XIRP2: variants seen among roughly 807,000 people sequenced by gnomAD.
XIRP2 encodes the protein xin actin binding repeat containing 2, also known as xin actin-binding repeat-containing protein 2.
A neutral mutation model predicts 277.0 loss-of-function variants in XIRP2; 236 were observed. That is an observed-to-expected ratio of 0.85 (90% CI 0.77 to 0.95). The LOEUF (loss-of-function observed/expected upper bound fraction) is 0.95. Ranked by LOEUF, XIRP2 falls within the 40% of genes least tolerant of loss-of-function variation. The probability of loss-of-function intolerance (pLI) is 0.00; values close to 1 mark genes in which losing one functional copy is unlikely to be tolerated. For missense variants in XIRP2, 4,640 were observed against 4,157.5 expected (o/e 1.12, Z -3.19); for synonymous variants, 1,490 against 1,416.5 (o/e 1.05, Z -1.17).
chr2:167,221,148 G>A (rs773494558), intron 5 of XIRP2, among the ~76,000 whole-genome samples: 1 of 152,140 alleles, frequency 6.6e-6, no homozygotes, highest in Non-Finnish European at 1.5e-5. Flanking sequence ...AATGAAGACC[G>A]TATGCAGAAG....
chr2:167,004,326 G>A (rs1433696844), intron 2 of XIRP2, among the ~76,000 whole-genome samples: 1 of 151,746 alleles, frequency 6.6e-6, no homozygotes, highest in African/African-American at 2.4e-5. Context: ...ACTTTCCCAA[G>A]GTTCATCACA....
At chr2:167,226,267 C>G (rs1391966607) in intron 5 of XIRP2, among the ~76,000 whole-genome samples, 3 of 152,104 alleles carry the variant, frequency 2.0e-5, no homozygotes, top group Admixed American at 6.6e-5. Context: ...ATTTTATTAC[C>G]ACTTTTCAAA....
chr2:166,892,860 A>ATATATATGTATGTGTG (rs1684139475), intron 1 of XIRP2, among the ~76,000 whole-genome samples: 3 of 148,666 alleles, frequency 2.0e-5, no homozygotes, highest in African/African-American at 7.4e-5. Flanking sequence ...TATGTTTTAT[A>ATATATATGTATGTGTG]TATATATGTA....
chr2:166,937,975 A>G (rs1047187006), intron 2 of XIRP2, among the ~76,000 whole-genome samples: 1 of 151,630 alleles, frequency 6.6e-6, no homozygotes, highest in Non-Finnish European at 1.5e-5. Flanking sequence ...GTCTATTTGA[A>G]TCTTCTCTCT....
intron 4 of XIRP2, among the ~76,000 whole-genome samples, chr2:167,214,169 AAAG>A: frequency 9.6e-6 from 1 of 104,044 alleles, no homozygotes; most frequent in Non-Finnish European, 1.8e-5. Flanking sequence ...AAAGAAAGAG[AAAG>A]AAGGAAGGAA....
At chr2:167,090,878 C>T (rs1690122412) in intron 2 of XIRP2, among the ~76,000 whole-genome samples, 1 of 152,078 alleles carries the variant, frequency 6.6e-6, no homozygotes, top group Admixed American at 6.5e-5. Context: ...CAAACACCAT[C>T]CACTAGGCCC....
chr2:166,903,251 C>T (rs977322010), intron 1 of XIRP2, among the ~76,000 whole-genome samples: 8 of 152,072 alleles, frequency 5.3e-5, no homozygotes, highest in Non-Finnish European at 8.8e-5. Context: ...GCTATACAAA[C>T]CACACCTCTC....
chr2:167,172,541 C>T (rs905598116), intron 3 of XIRP2, among the ~76,000 whole-genome samples: 1 of 152,130 alleles, frequency 6.6e-6, no homozygotes, highest in Admixed American at 6.5e-5. Flanking sequence ...AGACAGACGT[C>T]CCCAGAACGG....
At chr2:167,124,952 G>A (rs1414848448) in intron 2 of XIRP2, among the ~76,000 whole-genome samples, 5 of 152,158 alleles carry the variant, frequency 3.3e-5, no homozygotes, top group Middle Eastern at 3.4e-3. Flanking sequence ...CCAGTCTAAA[G>A]GTAAAAGGTT....
chr2:167,259,051 T>C lies in XIRP2; in HGVS notation c.*1234T>C. The C allele has an allele frequency of 1.9e-6, 3 of 1,610,628 alleles. No individual in the cohort carries two copies. Among genetic ancestry groups the C allele is most frequent in the Non-Finnish European group, 1.7e-6 (2 of 1,177,750 alleles). On this transcript the variant is annotated 3_prime_UTR_variant, in exon 11 of 11. Transcript: ENST00000409195. ...ATTCAAAGAGCAAAAATTTACACTT[T>C]TTCTTTTCTAACACCGTGAAAATCA...
chr2:167,089,307 C>A (rs1690073201), intron 2 of XIRP2, among the ~76,000 whole-genome samples: 1 of 152,068 alleles, frequency 6.6e-6, no homozygotes, highest in African/African-American at 2.4e-5. Context: ...GGCTACTCTA[C>A]CTAATTTCAA....
chr2:167,185,746 T>A (rs968663110), intron 3 of XIRP2, among the ~76,000 whole-genome samples: 1 of 152,170 alleles, frequency 6.6e-6, no homozygotes, highest in Admixed American at 6.6e-5. Context: ...CTTTTGCATA[T>A]AGCAAACTAA....
chr2:167,007,884 G>A (rs1687550163), intron 2 of XIRP2, among the ~76,000 whole-genome samples: 1 of 151,506 alleles, frequency 6.6e-6, no homozygotes, highest in South Asian at 2.1e-4. Flanking sequence ...AGTCTGGTGG[G>A]CACTTAAAAT....
chr2:166,975,292 A>G (rs1460279571), intron 2 of XIRP2, among the ~76,000 whole-genome samples: 1 of 152,224 alleles, frequency 6.6e-6, no homozygotes, highest in Non-Finnish European at 1.5e-5. Context: ...CTGCTGAACA[A>G]CATAACCTAA....
intron 2 of XIRP2, among the ~76,000 whole-genome samples, chr2:167,126,203 TCTCA>T (rs1691200190): frequency 2.6e-5 from 4 of 151,454 alleles, no homozygotes; most frequent in South Asian, 2.1e-4. Context: ...TCTCTCACAC[TCTCA>T]CTCTCTCTTT....
chr2:166,890,055 G>T (rs1684063769), intron 1 of XIRP2, among the ~76,000 whole-genome samples: 1 of 151,906 alleles, frequency 6.6e-6, no homozygotes, highest in African/African-American at 2.4e-5. Context: ...GAGCATAGTG[G>T]TGTGATCTCG....
chr2:167,252,199 A>G (rs1695532339), intron 9 of XIRP2, among the ~76,000 whole-genome samples: 1 of 152,046 alleles, frequency 6.6e-6, no homozygotes, highest in Admixed American at 6.6e-5. Flanking sequence ...TTACTGGGAC[A>G]TATTTGTCAA....
chr2:167,232,531 T>C (rs1694789778), intron 5 of XIRP2, among the ~76,000 whole-genome samples: 1 of 151,958 alleles, frequency 6.6e-6, no homozygotes, highest in Non-Finnish European at 1.5e-5. Context: ...AATTCATTGA[T>C]GTAGCTGAAC....
At chr2:167,027,360 C>T (rs1005084185) in intron 2 of XIRP2, among the ~76,000 whole-genome samples, 3 of 152,130 alleles carry the variant, frequency 2.0e-5, no homozygotes, top group African/African-American at 7.2e-5. Context: ...TCCATCATCT[C>T]CTTTAAGGAC....
Sources: allele counts gnomAD v4.1 joint callset (sites outside exome capture counted in the v4.1 genomes callset), GRCh38; gene constraint gnomAD v4.1.1; transcripts MANE v1.5; gene names NCBI Gene and HGNC (gene_info 2026-07-23, HGNC 2026-07-21).